The following TMEM182 variants were observed in gnomAD, a reference collection of about 807,000 sequenced individuals.
The protein encoded by TMEM182 is transmembrane protein 182.
In TMEM182, 20 loss-of-function variants were observed where a neutral mutation model predicts 26.8. The ratio of observed to expected loss-of-function variants is 0.75; its 90% CI spans 0.53 to 1.09. The LOEUF is 1.09. TMEM182 is among the 50% of genes least tolerant of loss of function. TMEM182 has a pLI of 0.00. For synonymous variants in TMEM182, 109 were observed against 102.2 expected (o/e 1.07, Z -0.40); for missense variants, 277 against 275.5 (o/e 1.01, Z -0.04).
At chr2:102,738,974 C>T (rs1239786483) in intron 1 of TMEM182, among the ~76,000 whole-genome samples, 3 of 152,218 alleles carry the variant, frequency 2.0e-5, no homozygotes, top group Admixed American at 6.5e-5. Flanking sequence ...ATATATTCCA[C>T]GAAGAGGCCA....
At chr2:102,795,790 C>G (rs1454714071) in intron 3 of TMEM182, among the ~76,000 whole-genome samples, 1 of 152,098 alleles carries the variant, frequency 6.6e-6, no homozygotes, top group Non-Finnish European at 1.5e-5. Context: ...CTCTTTTTCC[C>G]AGTTTCTCTG....
chr2:102,819,605 C>T (rs925150784), downstream of TMEM182, among the ~76,000 whole-genome samples: 7 of 152,100 alleles, frequency 4.6e-5, no homozygotes, highest in African/African-American at 7.2e-5. Context: ...AATACATACA[C>T]GCCTGCCTCT....
intron 3 of TMEM182, 57 bp downstream of exon 3, chr2:102,764,484 GC>G: frequency 2.1e-6 from 3 of 1,451,470 alleles, no homozygotes; most frequent in Non-Finnish European, 2.9e-6. Context: ...TCTGAAGGAT[GC>G]CCAGATCAAA....
At chr2:102,750,533 C>T (rs1679848042) in intron 1 of TMEM182, among the ~76,000 whole-genome samples, 1 of 152,164 alleles carries the variant, frequency 6.6e-6, no homozygotes, top group South Asian at 2.1e-4. Flanking sequence ...CATAATAGGG[C>T]ATTCTTCCAA....
At position 102,762,139 on chromosome 2, in the gene TMEM182, G is replaced by A; in HGVS notation, c.-79G>A. Reference sequence around the variant, plus strand: ...ATATTATTCTTTTTTTTTTTTTTTTGCTGTTGTTTCTGAGAAACTAGGTGT... The same window carrying A: ...ATATTATTCTTTTTTTTTTTTTTTTACTGTTGTTTCTGAGAAACTAGGTGT... On this transcript the variant is annotated 5_prime_UTR_variant, in exon 1 of 5. Coordinates refer to ENST00000412401, the MANE Select transcript of TMEM182 (RefSeq NM_144632.5). The A allele has an allele frequency of 1.3e-6, 1 of 778,528 alleles. No homozygotes were observed. Among genetic ancestry groups the A allele is most frequent in the East Asian group, 3.5e-5 (1 of 28,520 alleles). The allele number at this position is 778,528 out of a possible 1,614,324, so 48.2% of individuals were successfully genotyped here. A position where few individuals can be genotyped will look rare whatever the true frequency, so the allele number is the denominator to read the frequency against.
At chr2:102,808,233 T>C (rs550486147) in intron 4 of TMEM182, among the ~76,000 whole-genome samples, 1 of 152,280 alleles carries the variant, frequency 6.6e-6, no homozygotes, top group East Asian at 1.9e-4. Context: ...GAAATAATGC[T>C]ATAAGGATGG....
chr2:102,806,751 G>A (rs1037874606), intron 4 of TMEM182, among the ~76,000 whole-genome samples: 3 of 151,998 alleles, frequency 2.0e-5, no homozygotes, highest in East Asian at 1.9e-4. Flanking sequence ...TCCTCTGTTC[G>A]GTCCTCATGA....
At chr2:102,840,099 T>C (rs1573584161) in intron 3 of TMEM182, among the ~76,000 whole-genome samples, 2 of 152,168 alleles carry the variant, frequency 1.3e-5, no homozygotes, top group South Asian at 4.1e-4. Flanking sequence ...GCTGCAACTT[T>C]TACATCTGCC....
At chr2:102,835,048 C>T (rs763716167) in intron 3 of TMEM182, among the ~76,000 whole-genome samples, 4 of 151,922 alleles carry the variant, frequency 2.6e-5, no homozygotes, top group Middle Eastern at 3.4e-3. Flanking sequence ...TTGTGGGGGG[C>T]GGGGATGGGA....
chr2:102,747,957 G>GT (rs940374312), intron 1 of TMEM182, among the ~76,000 whole-genome samples: 32 of 151,246 alleles, frequency 2.1e-4, no homozygotes, highest in South Asian at 6.3e-4. Flanking sequence ...GTGTGTGTGT[G>GT]TTTTTTTTTC....
chr2:102,799,748 C>T (rs909471803), intron 4 of TMEM182, among the ~76,000 whole-genome samples: 15 of 152,166 alleles, frequency 9.9e-5, no homozygotes, highest in Admixed American at 7.9e-4. Flanking sequence ...TTCCTTTGTC[C>T]TTTGTGGCCA....
chr2:102,790,256 A>G (rs1681579486), intron 3 of TMEM182, among the ~76,000 whole-genome samples: 1 of 152,242 alleles, frequency 6.6e-6, no homozygotes, highest in South Asian at 2.1e-4. Context: ...AAGCCTGGCA[A>G]GGCCCCTCTT....
In TMEM182 at chr2:102,817,103, A is replaced by G. The variant is rs1682783092; in HGVS notation, c.*2135A>G. 2 of 985,356 alleles carry G rather than the reference A, an allele frequency of 2.0e-6. No homozygotes were observed. The highest frequency in any genetic ancestry group is 2.4e-6 in the Non-Finnish European group (2 of 829,940). The allele number at this position is 985,356 out of a possible 1,614,324, so 61.0% of individuals were successfully genotyped here. ...GATCAATTTACCAGCAACCCTCTGA[A>G]GGAATGAAGGAGAGTTGTGATTGCT... On this transcript the variant is annotated 3_prime_UTR_variant, in exon 5 of 5. Coordinates refer to ENST00000412401, the MANE Select transcript of TMEM182 (RefSeq NM_144632.5).
In TMEM182 at chr2:102,830,195, C is replaced by G. The variant is rs1057142788; in HGVS notation, c.326-13217C>G. ...TGTTTTCATGTGTCTAAATCTTTAC[C>G]TATTATTTTCAGAACTACAATACTC... is the stretch of plus-strand genomic sequence containing the variant. On this transcript the variant is annotated intron_variant, in intron 3 of 3. Transcript: ENST00000486293. 1.7e-4 allele frequency among the ~76,000 whole-genome samples: 26 copies of G among 152,288 alleles called. No individual in the cohort carries two copies. In the East Asian group the frequency reaches 1.9e-3, roughly 11 times the overall value.
rs1682063935 is a variant in TMEM182 at position 102,800,246 on chromosome 2, C to CAG, written c.469+2248_469+2249dup. On this transcript the variant is annotated intron_variant, in intron 4 of 4. Transcript: ENST00000412401. Reference sequence around the variant, plus strand: ...TGCAAGAATCACCACTATCTGACTTCAGAATATTTTTATTACTCCACAGAG... The same window carrying CAG: ...TGCAAGAATCACCACTATCTGACTTCAGAGAATATTTTTATTACTCCACAGAG... Among the ~76,000 whole-genome samples, 8 of 152,270 alleles carry CAG rather than the reference C, an allele frequency of 5.3e-5. No individual in the cohort carries two copies. The South Asian group carries it at 1.7e-3, about 32-fold the overall frequency.
chr2:102,738,012 C>G (rs1248247876), intron 1 of TMEM182, among the ~76,000 whole-genome samples: 1 of 152,184 alleles, frequency 6.6e-6, no homozygotes, highest in Non-Finnish European at 1.5e-5. Context: ...AGAATTAAGA[C>G]ATATAATTGA....
At chr2:102,820,519 C>G (rs1292110194), downstream of TMEM182, among the ~76,000 whole-genome samples, 1 of 152,106 alleles carries the variant, frequency 6.6e-6, no homozygotes, top group Non-Finnish European at 1.5e-5. Context: ...AGAGATGAAA[C>G]TATGCTTGTT....
In TMEM182 at chr2:102,762,694, C is replaced by T. The variant is rs760851927; in HGVS notation, c.232+8C>T. 6.2e-7 allele frequency: 1 copy of T among 1,606,056 alleles called. No individual in the cohort carries two copies. The highest frequency in any genetic ancestry group is 1.7e-5 in the Admixed American group (1 of 59,488). On this transcript the variant is annotated splice_region_variant and intron_variant, in intron 2 of 4. Transcript: ENST00000412401. ...TTTGGAAGTTCTGGTACAGTAAGTA[C>T]AATTTAGCTTTATTTTCCCTCTTGT... is the stretch of plus-strand genomic sequence containing the variant.
chr2:102,762,803 A>T, intron 2 of TMEM182, 117 bp downstream of exon 2: 1 of 747,890 alleles, frequency 1.3e-6, no homozygotes. Context: ...TCTCAATTAG[A>T]TGTCTTTAAA....
Sources: allele counts gnomAD v4.1 joint callset (sites outside exome capture counted in the v4.1 genomes callset), GRCh38; gene constraint gnomAD v4.1.1; transcripts MANE v1.5; gene names NCBI Gene and HGNC (gene_info 2026-07-23, HGNC 2026-07-21).